The following ISOC2 variants were observed in gnomAD, a reference collection of about 807,000 sequenced individuals.
ISOC2 encodes isochorismatase domain-containing protein 2.
Under a neutral mutation model 19.3 loss-of-function variants are expected in ISOC2, and 15 were observed. The ratio of observed to expected loss-of-function variants is 0.78; its 90% CI spans 0.52 to 1.20. The LOEUF is 1.20. Ranked by LOEUF, ISOC2 falls within the 50% of genes most tolerant of loss-of-function variation. The pLI is 0.00. For synonymous variants in ISOC2, 106 were observed against 115.8 expected, an observed-to-expected ratio of 0.92 and a Z score of 0.54; for missense variants, 285 against 272.4, an observed-to-expected ratio of 1.05 and a Z score of -0.33.
intron 1 of ISOC2, chr19:55,460,116 A>G (rs1986188823): frequency 1.3e-5 from 2 of 152,382 alleles, no homozygotes; most frequent in South Asian, 2.1e-4. Flanking sequence ...ACTCTTCCCC[A>G]GAGCAAAGGA....
At position 55,455,285 on chromosome 19, in the gene ISOC2, C is replaced by T. The variant is rs928101728; in HGVS notation, c.394G>A (p.Val132Met). 6.2e-7 allele frequency: 1 copy of T among 1,613,384 alleles called. No homozygotes were observed. The highest frequency in any genetic ancestry group is 1.1e-5 in the South Asian group (1 of 90,984). The change falls in exon 4 of 6, where the codon GTG becomes ATG. Residue 132 changes from valine (V) to methionine (M), a missense_variant. Transcript: ENST00000425675. ...CTGCGTGAGGAGCAGGCGTCCACCA[C>T]CACATGGACCTGCAGCCCCCGGTCT... Reference protein sequence around the residue: ...LLDRGLQVHVVVDACSSRSQV... With the variant: ...LLDRGLQVHVMVDACSSRSQV...
At chr19:55,455,942 C>G in intron 2 of ISOC2, 97 bp from the exon 3 acceptor site, 1 of 1,101,888 alleles carries the variant, frequency 9.1e-7, no homozygotes, top group Non-Finnish European at 1.3e-6. Flanking sequence ...GCCTGGACTC[C>G]TGGGTCTGAG....
At chr19:55,454,146 CT>C (rs1251734941) in intron 5 of ISOC2, 1 of 152,686 alleles carries the variant, frequency 6.5e-6, no homozygotes, top group Non-Finnish European at 1.5e-5. Flanking sequence ...GGTGCTCACC[CT>C]GGCCTGCTAC....
intron 4 of ISOC2, 75 bp from the exon 5 acceptor site, chr19:55,455,181 G>A (rs1268153425): frequency 1.3e-6 from 2 of 1,565,700 alleles, no homozygotes; most frequent in Middle Eastern, 2.0e-4. Flanking sequence ...AGGCACCCTG[G>A]TGGGAATGCC....
intron 4 of ISOC2, 42 bp from the exon 5 acceptor site, chr19:55,455,148 G>A (rs745748800): frequency 1.6e-5 from 25 of 1,584,048 alleles, no homozygotes; most frequent in South Asian, 3.3e-5. Flanking sequence ...TGTGGACGCC[G>A]CAGTCTGGAC....
At chr19:55,455,129 G>A in intron 4 of ISOC2, 23 bp from the exon 5 acceptor site, 2 of 657,466 alleles carry the variant, frequency 3.0e-6, no homozygotes, top group Non-Finnish European at 5.6e-6. Context: ...GGGAGGGAGG[G>A]AAGGTTGGTG....
intron 1 of ISOC2, among the ~76,000 whole-genome samples, chr19:55,459,285 T>A (rs1986163264): frequency 1.3e-5 from 2 of 152,192 alleles, no homozygotes; most frequent in Admixed American, 1.3e-4. Context: ...GTTTTCTATG[T>A]GCACCATATC....
intron 5 of ISOC2, 124 bp downstream of exon 5, chr19:55,454,865 C>T (rs573810554): frequency 1.5e-5 from 11 of 737,180 alleles, no homozygotes; most frequent in Non-Finnish European, 2.4e-5. Flanking sequence ...CCAGCAGCCT[C>T]CCCTCCAAGA....
chr19:55,453,615 A>G (rs768675011), intron 5 of ISOC2: 4 of 401,232 alleles, frequency 1.0e-5, no homozygotes, highest in Non-Finnish European at 1.3e-5. Context: ...GCGGGCTTGG[A>G]CCACTAAGGG....
Position 55,454,733 on chromosome 19 carries a change from C to T in ISOC2, c.537+256G>A. Reference sequence around the variant, plus strand: ...TGCTCCAGGATGCCCCCCAGACCCTCCAATACAAACCCCCTCCTCTGTGCC... The same window carrying T: ...TGCTCCAGGATGCCCCCCAGACCCTTCAATACAAACCCCCTCCTCTGTGCC... On this transcript the variant is annotated intron_variant, in intron 5 of 5. Transcript: ENST00000425675. The T allele has an allele frequency of 5.5e-6, 3 of 544,600 alleles. No individual in the cohort carries two copies. The South Asian group carries it at 6.3e-5, about 11-fold the overall frequency. 33.7% of individuals were successfully genotyped at this position (544,600 alleles called of 1,614,324 possible).
intron 3 of ISOC2, 110 bp downstream of exon 3, chr19:55,455,526 G>T: frequency 8.8e-7 from 1 of 1,130,104 alleles, no homozygotes; most frequent in Non-Finnish European, 1.3e-6. Flanking sequence ...CCCAGGTCAG[G>T]ATGGGGGTCC....
chr19:55,456,638 TC>T, intron 1 of ISOC2, 149 bp from the exon 2 acceptor site: 1 of 1,020,720 alleles, frequency 9.8e-7, no homozygotes. Context: ...TGTCTGCTGT[TC>T]CCCGGGCCTA....
chr19:55,453,736 C>T (rs1985949826), intron 5 of ISOC2, among the ~76,000 whole-genome samples: 6 of 152,082 alleles, frequency 3.9e-5, no homozygotes, highest in Admixed American at 3.9e-4. Context: ...CTGGACTTTG[C>T]CCCTGAACTC....
intron 2 of ISOC2, 181 bp from the exon 3 acceptor site, chr19:55,456,026 G>A (rs1187201316): frequency 1.3e-5 from 8 of 609,982 alleles, no homozygotes; most frequent in South Asian, 8.0e-5. Context: ...GAGTCTGAGG[G>A]AGGAGGAGCT....
intron 2 of ISOC2, 106 bp from the exon 3 acceptor site, chr19:55,455,951 AG>A: frequency 1.1e-6 from 1 of 875,340 alleles, no homozygotes; most frequent in East Asian, 2.9e-5. Flanking sequence ...CCTGGGTCTG[AG>A]GGAGGAGGGG....
rs1359566800 is a variant in ISOC2, at chr19:55,453,267, G to C, written c.*41C>G. On this transcript the variant is annotated 3_prime_UTR_variant, in exon 6 of 6. Transcript: ENST00000425675. Reference sequence around the variant, plus strand: ...GGGAACGGGCTTCCACTGAGGTCCGGGTGACAGGAGGGTGGTCTTCCCTCA... The same window carrying C: ...GGGAACGGGCTTCCACTGAGGTCCGCGTGACAGGAGGGTGGTCTTCCCTCA... The C allele has an allele frequency of 6.8e-7, 1 of 1,474,056 alleles. No individual in the cohort carries two copies. Among genetic ancestry groups the C allele is most frequent in the African/African-American group, 1.4e-5 (1 of 70,926 alleles). The allele number at this position is 1,474,056 out of a possible 1,614,324, so 91.3% of individuals were successfully genotyped here.
At chr19:55,456,811 C>T (rs554757051) in intron 1 of ISOC2, among the ~76,000 whole-genome samples, 57 of 152,210 alleles carry the variant, frequency 3.7e-4, no homozygotes, top group African/African-American at 1.3e-3. Context: ...TTCATGATCC[C>T]GGTTACCATC....
chr19:55,460,636 G>A (rs1028549453), intron 1 of ISOC2, among the ~76,000 whole-genome samples: 1 of 152,230 alleles, frequency 6.6e-6, no homozygotes, highest in Non-Finnish European at 1.5e-5. Flanking sequence ...CTGGGATGTG[G>A]CGCATGTTTG....
intron 1 of ISOC2, among the ~76,000 whole-genome samples, chr19:55,458,230 A>G (rs369233936): frequency 1.4e-4 from 21 of 152,218 alleles, no homozygotes; most frequent in African/African-American, 4.6e-4. Flanking sequence ...ACTCGGTCAG[A>G]GCGTCTACGC....
Sources: allele counts gnomAD v4.1 joint callset (sites outside exome capture counted in the v4.1 genomes callset), GRCh38; gene constraint gnomAD v4.1.1; transcripts MANE v1.5; gene names NCBI Gene and HGNC (gene_info 2026-07-23, HGNC 2026-07-21).